Variants in MAP7D2 observed in about 807,000 individuals in gnomAD.
MAP7D2 encodes the protein MAP7 domain-containing protein 2.
A neutral mutation model predicts 63.5 loss-of-function variants in MAP7D2; 33 were observed. The ratio of observed to expected loss-of-function variants is 0.52; its 90% CI spans 0.39 to 0.70. The LOEUF is 0.70. Among genes scored for constraint, MAP7D2 ranks in the 30% least tolerant of loss-of-function variants. The probability of loss-of-function intolerance (pLI) is 0.00; values close to 1 mark genes in which losing one functional copy is unlikely to be tolerated. For synonymous variants in MAP7D2, 224 were observed against 223.7 expected (o/e 1.00, Z -0.01); for missense variants, 626 against 604.0 (o/e 1.04, Z -0.38).
intron 1 of MAP7D2, among the ~76,000 whole-genome samples, chrX:20,105,243 G>A (rs1281337431): frequency 5.4e-5 from 6 of 111,332 alleles, no homozygotes; most frequent in African/African-American, 1.6e-4. Context: ...AGAAAAACAA[G>A]GGTAGGGATA....
At chrX:20,113,486 C>T (rs946123361) in intron 1 of MAP7D2, among the ~76,000 whole-genome samples, 2 of 111,802 alleles carry the variant, frequency 1.8e-5, no homozygotes, top group African/African-American at 6.5e-5. Flanking sequence ...CCTCGTGATC[C>T]GCCCGCCTCG....
At chrX:20,013,304 G>C (rs1355900931) in intron 13 of MAP7D2, among the ~76,000 whole-genome samples, 172 bp from the exon 14 acceptor site, 1 of 111,818 alleles carries the variant, frequency 8.9e-6, no homozygotes, top group Non-Finnish European at 1.9e-5. Context: ...TTTATGTCAG[G>C]ATTCTCTTTT....
intron 8 of MAP7D2, among the ~76,000 whole-genome samples, chrX:20,034,642 ATG>A (rs2074161185): frequency 9.0e-6 from 1 of 111,527 alleles, no homozygotes; most frequent in Non-Finnish European, 1.9e-5. Flanking sequence ...CCCTTCCATC[ATG>A]TGAGGACACA....
At chrX:20,053,277 C>T (rs59755499) in intron 4 of MAP7D2, among the ~76,000 whole-genome samples, 2,864 of 112,160 alleles carry the variant, frequency 0.026, 85 homozygotes, top group African/African-American at 0.087. Flanking sequence ...GTGTTAATCC[C>T]ACCAACAAAT....
intron 1 of MAP7D2, among the ~76,000 whole-genome samples, chrX:20,089,107 T>C (rs1353533623): frequency 8.9e-6 from 1 of 112,237 alleles, no homozygotes; most frequent in Non-Finnish European, 1.9e-5. Flanking sequence ...CTAGAAGTTT[T>C]ATGGCTTTAG....
intron 10 of MAP7D2, chrX:20,017,021 A>G (rs1238468453): frequency 8.8e-6 from 1 of 114,165 alleles, no homozygotes; most frequent in Admixed American, 9.4e-5. Flanking sequence ...TCGAAGCAGT[A>G]AGGGAAAATC....
At chrX:20,015,362 A>G (rs758102167) in intron 11 of MAP7D2, 35 bp from the exon 12 acceptor site, 3 of 1,102,289 alleles carry the variant, frequency 2.7e-6, no homozygotes, top group Non-Finnish European at 1.3e-6. Flanking sequence ...CAAAGCTTTA[A>G]TAAGCTAAGA....
intron 1 of MAP7D2, among the ~76,000 whole-genome samples, chrX:20,080,577 C>T (rs1194445097): frequency 9.0e-6 from 1 of 110,712 alleles, no homozygotes. Context: ...GCGTGAGCTT[C>T]TGGAGTCTCA....
At chrX:20,094,561 T>TATATAC (rs2066198600) in intron 1 of MAP7D2, among the ~76,000 whole-genome samples, 1 of 15,428 alleles carries the variant, frequency 6.5e-5, no homozygotes, top group Admixed American at 1.3e-3. Flanking sequence ...TATATATATA[T>TATATAC]ATATATACAT....
chrX:20,115,863 A>G (rs146612956), intron 1 of MAP7D2, among the ~76,000 whole-genome samples: 1 of 112,592 alleles, frequency 8.9e-6, no homozygotes, highest in African/African-American at 3.2e-5. Context: ...ATGTTTTAAA[A>G]ATAGCCTGCC....
intron 1 of MAP7D2, among the ~76,000 whole-genome samples, chrX:20,094,542 G>GTATATATATATATATATATATATATA (rs1364751270): frequency 1.6e-4 from 1 of 6,104 alleles, no homozygotes; most frequent in Non-Finnish European, 2.9e-4. Context: ...ATATATATAT[G>GTATATATATATATATATATATATATA]TATATATATA....
At chrX:20,088,478 T>G (rs1437064490) in intron 1 of MAP7D2, among the ~76,000 whole-genome samples, 20 of 28,526 alleles carry the variant, frequency 7.0e-4, no homozygotes, top group African/African-American at 1.6e-3. Context: ...GTTTTTTTTT[T>G]TTTTTTTTTT....
Position 20,104,875 on chromosome X carries a change from A to T in MAP7D2, c.130+11875T>A, listed in dbSNP as rs752147807. Among the ~76,000 whole-genome samples, 3 of 112,054 alleles carry T rather than the reference A, an allele frequency of 2.7e-5. No individual in the cohort carries two copies. The South Asian group carries it at 1.1e-3, about 42-fold the overall frequency. On this transcript the variant is annotated intron_variant, in intron 1 of 16. Coordinates refer to ENST00000379643, the MANE Select transcript of MAP7D2 (RefSeq NM_001168465.2). ...AAAGAGCAACACCTGCTAAGAGGTG[A>T]TGCTATCCCCATGAACAATACACTT...
At chrX:20,064,633 G>A in intron 2 of MAP7D2, 95 bp downstream of exon 2, 1 of 694,118 alleles carries the variant, frequency 1.4e-6, no homozygotes, top group Admixed American at 2.4e-5. Flanking sequence ...AACTGTCCTA[G>A]TTCCCATTCA....
chrX:20,081,946 G>T (rs760075130), intron 1 of MAP7D2, among the ~76,000 whole-genome samples: 3 of 111,615 alleles, frequency 2.7e-5, no homozygotes, highest in Non-Finnish European at 5.6e-5. Context: ...CACCGCGCCC[G>T]GCCCAGATCT....
chrX:20,019,058 G>A (rs1219592008), intron 10 of MAP7D2, among the ~76,000 whole-genome samples: 3 of 107,437 alleles, frequency 2.8e-5, no homozygotes, highest in Non-Finnish European at 5.8e-5. Context: ...GCAGGGTTTC[G>A]TGCTGTTGCC....
intron 1 of MAP7D2, among the ~76,000 whole-genome samples, chrX:20,074,772 C>T (rs1233929427): frequency 9.0e-6 from 1 of 111,712 alleles, no homozygotes; most frequent in Non-Finnish European, 1.9e-5. Context: ...AAAATGAGGC[C>T]AGGCGCGGTG....
At chrX:20,093,222 T>C (rs944697983) in intron 1 of MAP7D2, among the ~76,000 whole-genome samples, 3 of 111,812 alleles carry the variant, frequency 2.7e-5, no homozygotes, top group African/African-American at 6.5e-5. Flanking sequence ...CACCAATTCA[T>C]CCGGTTTGGG....
rs893469962 is a variant in MAP7D2 at position 20,091,769 on chromosome X, T to A, written c.130+24981A>T. Among the ~76,000 whole-genome samples, 55 of 111,729 alleles carry A rather than the reference T, an allele frequency of 4.9e-4. 1 individual carries two copies. Among genetic ancestry groups the A allele is most frequent in the African/African-American group, 1.7e-3 (51 of 30,751 alleles). The stretch of plus-strand genomic sequence containing the variant: ...TACGGAGATGTAATGAAACAGGAGA[T>A]ACATATATGGCATGGAACAAACACT... On this transcript the variant is annotated intron_variant, in intron 1 of 16. Coordinates refer to ENST00000379643, the MANE Select transcript of MAP7D2 (RefSeq NM_001168465.2).
Sources: gnomAD v4.1 joint callset for allele counts (sites outside exome capture counted in the v4.1 genomes callset) on GRCh38, gnomAD v4.1.1 for gene constraint, MANE v1.5 for transcripts, NCBI Gene and HGNC (gene_info 2026-07-23, HGNC 2026-07-21) for gene names.